Variants in CFAP99 observed in about 807,000 individuals in gnomAD.
The protein encoded by CFAP99 is cilia and flagella associated protein 99.
A neutral mutation model predicts 82.7 loss-of-function variants in CFAP99; 84 were observed. The ratio of observed to expected loss-of-function variants is 1.02; its 90% CI spans 0.85 to 1.22. The LOEUF (loss-of-function observed/expected upper bound fraction) is 1.22. Ranked by LOEUF, CFAP99 falls within the 50% of genes most tolerant of loss-of-function variation. The probability of loss-of-function intolerance (pLI) is 0.00; values close to 1 mark genes in which losing one functional copy is unlikely to be tolerated. For missense variants in CFAP99, 1,059 were observed against 983.5 expected, an observed-to-expected ratio of 1.08 and a Z score of -1.03; for synonymous variants, 456 against 429.5, an observed-to-expected ratio of 1.06 and a Z score of -0.76.
intron 11 of CFAP99, among the ~76,000 whole-genome samples, chr4:2,457,633 CT>C (rs1734467501): frequency 6.6e-6 from 1 of 152,144 alleles, no homozygotes. Flanking sequence ...CTGCTGCTTA[CT>C]GCCTGGAAAC....
At chr4:2,454,594 G>GTT (rs1204498727) in intron 11 of CFAP99, among the ~76,000 whole-genome samples, 10 of 84,530 alleles carry the variant, frequency 1.2e-4, no homozygotes, top group Middle Eastern at 6.8e-3. Context: ...TTTTTTTTTT[G>GTT]TTTTTTTTTT....
At chr4:2,435,881 G>GAGGTGGGGAGCAGCTACTCAGGAGGCCA in intron 2 of CFAP99, among the ~76,000 whole-genome samples, 1 of 151,520 alleles carries the variant, frequency 6.6e-6, no homozygotes, top group Non-Finnish European at 1.5e-5. Flanking sequence ...TCAGGAGGCC[G>GAGGTGGGGAGCAGCTACTCAGGAGGCCA]AGGTGGGGAG....
intron 2 of CFAP99, among the ~76,000 whole-genome samples, chr4:2,433,585 C>G (rs1165222224): frequency 6.6e-6 from 1 of 152,182 alleles, no homozygotes; most frequent in Non-Finnish European, 1.5e-5. Context: ...CACCGAGCCC[C>G]CTCTCCATGC....
intron 2 of CFAP99, among the ~76,000 whole-genome samples, chr4:2,434,565 G>T (rs1733871824): frequency 6.6e-6 from 1 of 152,250 alleles, no homozygotes; most frequent in South Asian, 2.1e-4. Context: ...GCAAGGGCTG[G>T]AGGAACTCAT....
chr4:2,462,798 C>A lies in CFAP99; in HGVS notation c.2017C>A (p.Pro673Thr). 7.7e-7 allele frequency: 1 copy of A among 1,302,860 alleles called. No homozygotes were observed. Among genetic ancestry groups the A allele is most frequent in the South Asian group, 2.2e-5 (1 of 45,668 alleles). 80.7% of individuals were successfully genotyped at this position (1,302,860 alleles called of 1,614,324 possible). A position where few individuals can be genotyped will look rare whatever the true frequency, so the allele number is the denominator to read the frequency against. Residue 673 changes from proline (P) to threonine (T), a missense_variant, in exon 15 of 15, where the codon CCC becomes ACC. Transcript: ENST00000635017. The surrounding 1 kb of genome is among the most constrained non-coding windows in gnomAD (Gnocchi z 4.1). ...CGTCCCTGCCCGCGCCGACGCGTTC[C>A]CCGGCCTGCAGGCGCAGCTAGAGGC...
Position 2,452,351 on chromosome 4 carries a change from G to A in CFAP99, c.1161+5G>A, listed in dbSNP as rs1300799386. On this transcript the variant is annotated splice_donor_5th_base_variant and intron_variant, in intron 11 of 14. Transcript: ENST00000635017. ...GTGGAGCAGCAGAAGGAGCAGGTGG[G>A]TGCCATGCAGGGCAGCTGGGCATGG... is the stretch of plus-strand genomic sequence containing the variant. The A allele has an allele frequency of 3.9e-6, 6 of 1,533,404 alleles. No individual in the cohort carries two copies. In the African/African-American group the frequency reaches 8.2e-5, roughly 21 times the overall value. 95.0% of individuals were successfully genotyped at this position (1,533,404 alleles called of 1,614,324 possible).
chr4:2,429,560 G>A (rs1433582789), intron 2 of CFAP99, among the ~76,000 whole-genome samples: 1 of 151,732 alleles, frequency 6.6e-6, no homozygotes, highest in African/African-American at 2.4e-5. Context: ...TTGTTCCTCA[G>A]AGGCACTGGT....
At chr4:2,421,579 T>C (rs1384438812) in intron 1 of CFAP99, among the ~76,000 whole-genome samples, 4 of 152,070 alleles carry the variant, frequency 2.6e-5, no homozygotes, top group Non-Finnish European at 5.9e-5. Flanking sequence ...GAACTCCTGA[T>C]CTCAAGTGAT....
intron 2 of CFAP99, among the ~76,000 whole-genome samples, chr4:2,431,912 T>G (rs1173858874): frequency 6.6e-6 from 1 of 152,202 alleles, no homozygotes; most frequent in Non-Finnish European, 1.5e-5. Context: ...ATCGTTTCTC[T>G]TGTTATATTT....
At chr4:2,443,139 T>C (rs1226139155) in exon 5 of CFAP99, 1 of 1,530,868 alleles carries the variant, frequency 6.5e-7, no homozygotes, top group East Asian at 2.4e-5. Context: ...GTTCCTCAGG[T>C]TCTTCTTCAA....
At chr4:2,458,946 C>T (rs958246584) in intron 12 of CFAP99, 82 bp downstream of exon 12, 7 of 1,475,138 alleles carry the variant, frequency 4.7e-6, no homozygotes, top group Non-Finnish European at 6.3e-6. Context: ...CTGAGTGAGC[C>T]ACTATGGCTG....
chr4:2,434,205 C>T (rs1436186434), intron 2 of CFAP99, among the ~76,000 whole-genome samples: 2 of 152,188 alleles, frequency 1.3e-5, no homozygotes, highest in African/African-American at 2.4e-5. Context: ...AAAGGCCCAG[C>T]GGCAGCAGGA....
In CFAP99 at chr4:2,462,724, GGTC is replaced by G; in HGVS notation, c.1944_1946del (p.Ser649del). ...CGGGGATGGCGGGGAGATCGGGTCC[GGTC>G]CGCGGCCGGGAGATACGCAGCGGCG... On this transcript the variant is annotated inframe_deletion, in exon 15 of 15. Transcript: ENST00000635017. This position sits in a 1 kb window ranked among gnomAD's most constrained non-coding sequence, Gnocchi z 4.1. 3.2e-6 allele frequency: 4 copies of G among 1,243,240 alleles called. No individual in the cohort carries two copies. The highest frequency in any genetic ancestry group is 4.0e-6 in the Non-Finnish European group (4 of 990,766). The allele number at this position is 1,243,240 out of a possible 1,614,324, so 77.0% of individuals were successfully genotyped here. A position where few individuals can be genotyped will look rare whatever the true frequency, so the allele number is the denominator to read the frequency against.
At chr4:2,447,903 G>T (rs1379197737) in intron 6 of CFAP99, among the ~76,000 whole-genome samples, 1 of 148,070 alleles carries the variant, frequency 6.8e-6, no homozygotes, top group South Asian at 2.2e-4. Context: ...GTGAGTAGAT[G>T]AATGAGTGGG....
At chr4:2,441,986 C>T (rs796124577) in intron 4 of CFAP99, among the ~76,000 whole-genome samples, 10 of 152,324 alleles carry the variant, frequency 6.6e-5, no homozygotes, top group African/African-American at 2.4e-4. Context: ...TCCAGGGAAT[C>T]TGCCCGCTGG....
intron 4 of CFAP99, among the ~76,000 whole-genome samples, chr4:2,440,905 T>A (rs943605485): frequency 1.3e-5 from 2 of 151,886 alleles, no homozygotes; most frequent in African/African-American, 2.4e-5. Context: ...AAATTTTTTT[T>A]AAATTAGCCT....
intron 4 of CFAP99, among the ~76,000 whole-genome samples, chr4:2,439,084 G>C (rs1733981377): frequency 6.6e-6 from 1 of 152,196 alleles, no homozygotes. Flanking sequence ...GTTTGGGCCT[G>C]GGCCTGTTGC....
intron 6 of CFAP99, 112 bp from the exon 7 acceptor site, chr4:2,449,558 G>A (rs1270636388): frequency 2.0e-5 from 19 of 943,566 alleles, no homozygotes; most frequent in South Asian, 1.6e-4. Flanking sequence ...AATGCAGGCC[G>A]CCACCACCCT....
At chr4:2,427,563 G>A (rs1166812840) in intron 2 of CFAP99, 1 of 152,340 alleles carries the variant, frequency 6.6e-6, no homozygotes, top group Non-Finnish European at 1.5e-5. Flanking sequence ...CTGCCTGCCT[G>A]TCCTTGCAGG....
Sources: allele counts gnomAD v4.1 joint callset (sites outside exome capture counted in the v4.1 genomes callset), GRCh38; gene constraint gnomAD v4.1.1; non-coding constraint Gnocchi (gnomAD v3.1); transcripts MANE v1.5; gene names NCBI Gene and HGNC (gene_info 2026-07-23, HGNC 2026-07-21).